Variants in MITD1 observed in about 807,000 individuals in gnomAD.
MITD1 encodes the protein MIT domain-containing protein 1.
Under a neutral mutation model 34.9 loss-of-function variants are expected in MITD1, and 24 were observed. That is an observed-to-expected ratio of 0.69 (90% CI 0.50 to 0.97). The LOEUF (loss-of-function observed/expected upper bound fraction) is 0.97. Among genes scored for constraint, MITD1 ranks in the 50% least tolerant of loss-of-function variants. MITD1 has a pLI of 0.00. For missense variants in MITD1, 266 were observed against 294.6 expected, an observed-to-expected ratio of 0.90 and a Z score of 0.71; for synonymous variants, 102 against 101.4, an observed-to-expected ratio of 1.01 and a Z score of -0.04.
downstream of MITD1, among the ~76,000 whole-genome samples, chr2:99,165,072 AG>A (rs1488757424): frequency 1.0e-4 from 15 of 150,328 alleles, no homozygotes; most frequent in African/African-American, 3.7e-4. Flanking sequence ...ATATATATAT[AG>A]TCTTATTTTT....
At chr2:99,163,038 A>C in intron 7 of MITD1, 1 of 1,588,186 alleles carries the variant, frequency 6.3e-7, no homozygotes, top group South Asian at 1.1e-5. Flanking sequence ...ACTAAACAGT[A>C]AATGGAATAT....
At chr2:99,161,451 G>A (rs2093792272), downstream of MITD1, 1 of 150,726 alleles carries the variant, frequency 6.6e-6, no homozygotes, top group Admixed American at 6.6e-5. Flanking sequence ...GACTATCAAT[G>A]CTTTTATTTT....
intron 1 of MITD1, among the ~76,000 whole-genome samples, chr2:99,179,316 C>T (rs765813936): frequency 1.4e-4 from 22 of 152,180 alleles, no homozygotes; most frequent in Non-Finnish European, 3.1e-4. Context: ...GGGCCTTGGG[C>T]TCCGACTGTG....
downstream of MITD1, chr2:99,161,859 TAA>T: frequency 8.8e-7 from 1 of 1,131,334 alleles, no homozygotes; most frequent in Non-Finnish European, 1.2e-6. Flanking sequence ...CTGGATACTT[TAA>T]GTTTGGATTA....
chr2:99,164,214 G>A (rs922941540), intron 7 of MITD1, among the ~76,000 whole-genome samples: 3 of 152,172 alleles, frequency 2.0e-5, no homozygotes, highest in Non-Finnish European at 4.4e-5. Flanking sequence ...CTCAAGCTCA[G>A]AATTTCACTA....
intron 1 of MITD1, among the ~76,000 whole-genome samples, chr2:99,179,023 A>C (rs892821486): frequency 7.2e-5 from 11 of 152,104 alleles, no homozygotes; most frequent in African/African-American, 2.7e-4. Context: ...CTACCTTTCC[A>C]CCCTCACATG....
chr2:99,179,701 T>C (rs2093905070), intron 1 of MITD1, among the ~76,000 whole-genome samples: 1 of 152,132 alleles, frequency 6.6e-6, no homozygotes, highest in African/African-American at 2.4e-5. Flanking sequence ...TGGCTGGGAC[T>C]ACAGGTGCGT....
At position 99,170,597 on chromosome 2, in the gene MITD1, C is replaced by T; in HGVS notation, c.533G>A (p.Arg178Lys). 6.2e-7 allele frequency: 1 copy of T among 1,609,400 alleles called. No individual in the cohort carries two copies. Among genetic ancestry groups the T allele is most frequent in the Non-Finnish European group, 8.5e-7 (1 of 1,176,376 alleles). Residue 178 changes from arginine (R) to lysine (K), a missense_variant, in exon 5 of 7, where the codon AGG becomes AAG. Physicochemically the swap from Arg to Lys is conservative, Grantham distance 26. Coordinates refer to ENST00000289359, the MANE Select transcript of MITD1 (RefSeq NM_138798.3). ...AACTTCCAACAGCACTCCGTGACTC[C>T]TGAGTGACTCTTCTATTTCTTGCAG... is the stretch of plus-strand genomic sequence containing the variant. ...RGLQEIEESL[R>K]SHGVLLEVQY...
intron 5 of MITD1, 75 bp downstream of exon 5, chr2:99,170,462 A>G (rs2093849746): frequency 9.5e-6 from 4 of 419,920 alleles, no homozygotes; most frequent in Non-Finnish European, 1.7e-5. Flanking sequence ...ATTTATAGGC[A>G]ATTATATAAA....
At chr2:99,169,686 G>T in intron 5 of MITD1, 76 bp from the exon 6 acceptor site, 3 of 1,260,494 alleles carry the variant, frequency 2.4e-6, no homozygotes, top group Non-Finnish European at 2.3e-6. Context: ...TGTATTAAGT[G>T]TCAGCAAAAT....
At chr2:99,166,889 AT>A (rs1559174843), downstream of MITD1, among the ~76,000 whole-genome samples, 9 of 79,220 alleles carry the variant, frequency 1.1e-4, no homozygotes, top group African/African-American at 3.5e-4. Context: ...ATATATATAT[AT>A]ATATATAAAT....
Position 99,180,973 on chromosome 2 carries a change from C to G in MITD1, c.9G>C (p.Lys3Asn), listed in dbSNP as rs767295987. 1.2e-5 allele frequency: 20 copies of G among 1,613,336 alleles called. No individual in the cohort carries two copies. In the Admixed American group the frequency reaches 3.3e-4, roughly 27 times the overall value. The change falls in exon 1 of 7, where the codon AAG becomes AAC. Residue 3 changes from lysine to asparagine, a missense_variant. Lys to Asn is a moderately conservative substitution (Grantham distance 94). Transcript: ENST00000289359. MAKSGLRQDPQST... is the reference protein window; with the variant it reads MANSGLRQDPQST... ...TCTGCGGGTCCTGCCTCAGCCCGGACTTCGCCATAATTCTGGAAGTTCTCC... is the reference window on the plus strand; with the variant it reads ...TCTGCGGGTCCTGCCTCAGCCCGGAGTTCGCCATAATTCTGGAAGTTCTCC...
At chr2:99,165,145 G>A (rs190111028), downstream of MITD1, among the ~76,000 whole-genome samples, 76 of 151,980 alleles carry the variant, frequency 5.0e-4, no homozygotes, top group African/African-American at 1.6e-3. Context: ...TCAGCTCACT[G>A]CAACTGCTGC....
chr2:99,161,921 C>T (rs776205421), downstream of MITD1: 25 of 1,495,826 alleles, frequency 1.7e-5, 1 homozygote, highest in Middle Eastern at 3.6e-4. Flanking sequence ...TTCCTTTTCT[C>T]GATGAATTAA....
At chr2:99,165,892 C>G (rs1285079482), downstream of MITD1, among the ~76,000 whole-genome samples, 2 of 152,128 alleles carry the variant, frequency 1.3e-5, no homozygotes, top group Non-Finnish European at 2.9e-5. Flanking sequence ...GCCTGAATTT[C>G]TGGGGTAATG....
Position 99,169,286 on chromosome 2 carries a change from T to C in MITD1, c.*89A>G. The C allele has an allele frequency of 3.2e-6, 2 of 629,754 alleles. No individual in the cohort carries two copies. The highest frequency in any genetic ancestry group is 5.5e-6 in the Non-Finnish European group (2 of 364,284). 39.0% of individuals were successfully genotyped at this position (629,754 alleles called of 1,614,324 possible). On this transcript the variant is annotated 3_prime_UTR_variant, in exon 7 of 7. Coordinates refer to ENST00000289359, the MANE Select transcript of MITD1 (RefSeq NM_138798.3). ...AATTAGTAGAAATATAAAAGTTTAT[T>C]GTTAAATTCATACATTATAAAAGTG... is the stretch of plus-strand genomic sequence containing the variant.
At chr2:99,173,488 G>C (rs748161858) in intron 2 of MITD1, 1 of 470,010 alleles carries the variant, frequency 2.1e-6, no homozygotes, top group South Asian at 1.6e-5. Context: ...GAAATCCCAG[G>C]AGTTTCTTTA....
intron 7 of MITD1, chr2:99,163,013 T>G: frequency 6.2e-7 from 1 of 1,605,172 alleles, no homozygotes; most frequent in Non-Finnish European, 8.5e-7. Context: ...TTAGAACATG[T>G]CCACAAGACC....
At chr2:99,174,716 G>C (rs1486721604) in intron 1 of MITD1, among the ~76,000 whole-genome samples, 2 of 152,152 alleles carry the variant, frequency 1.3e-5, no homozygotes, top group Non-Finnish European at 2.9e-5. Context: ...TTAGACTCCT[G>C]AGTAGCTGGG....
Sources: gnomAD v4.1 joint callset for allele counts (sites outside exome capture counted in the v4.1 genomes callset) on GRCh38, gnomAD v4.1.1 for gene constraint, MANE v1.5 for transcripts, NCBI Gene and HGNC (gene_info 2026-07-23, HGNC 2026-07-21) for gene names.